The following SLFN13 variants were observed in gnomAD, a reference collection of about 807,000 sequenced individuals.
SLFN13 encodes schlafen family member 13.
Under a neutral mutation model 50.6 loss-of-function variants are expected in SLFN13, and 43 were observed. The ratio of observed to expected loss-of-function variants is 0.85; its 90% CI spans 0.67 to 1.09. SLFN13 has a LOEUF of 1.09. Among genes scored for constraint, SLFN13 ranks in the 50% least tolerant of loss-of-function variants. SLFN13 has a pLI of 0.00. For synonymous variants in SLFN13, 339 were observed against 386.5 expected (o/e 0.88, Z 1.44); for missense variants, 881 against 1,071.1 (o/e 0.82, Z 2.48).
chr17:35,441,544 G>T lies in SLFN13; in HGVS notation c.1922+19C>A. On this transcript the variant is annotated intron_variant, in intron 5 of 5. Transcript: ENST00000285013. ...CCCAGATTAAATAAAACTTAAAGAC[G>T]TAAGATCCAACTGCTTACCTGATAA... 1 of 1,611,412 alleles carries T rather than the reference G, an allele frequency of 6.2e-7. No homozygotes were observed. The highest frequency in any genetic ancestry group is 8.5e-7 in the Non-Finnish European group (1 of 1,179,540).
chr17:35,444,594 G>A, intron 3 of SLFN13, 21 bp downstream of exon 3: 2 of 1,602,102 alleles, frequency 1.2e-6, no homozygotes, highest in Non-Finnish European at 1.7e-6. Context: ...GTCAGGAAGG[G>A]AGAATCTGGT....
At position 35,445,645 on chromosome 17, in the gene SLFN13, T is replaced by C. The variant is rs116708671; in HGVS notation, c.36A>G (p.Pro12=). 4 of 1,613,906 alleles carry C rather than the reference T, an allele frequency of 2.5e-6. No homozygotes were observed. The highest frequency in any genetic ancestry group is 1.3e-5 in the African/African-American group (1 of 75,026). Residue 12 remains proline, a synonymous_variant, in exon 3 of 6, where the codon CCA becomes CCG. Transcript: ENST00000285013. ...EANHCSLGVY[P]SYPDLVIDVG... ...CATCGATGACCAGGTCTGGGTAAGA[T>C]GGATACACACCCAGGGAGCAGTGAT...
rs1912630862 is a variant in SLFN13 at position 35,435,802 on chromosome 17, C to G, written c.*4793G>C. On this transcript the variant is annotated 3_prime_UTR_variant, in exon 6 of 6. Coordinates refer to ENST00000285013, the MANE Select transcript of SLFN13 (RefSeq NM_144682.6). ...TTGGAGACAGGGTCTCAAACTGGCA[C>G]CCAGGCTAGAGTGCGGTGATGCAGT... 1 of 151,914 alleles carries G rather than the reference C, an allele frequency of 6.6e-6. No individual in the cohort carries two copies. The highest frequency in any genetic ancestry group is 6.6e-5 in the Admixed American group (1 of 15,236). 9.4% of individuals were successfully genotyped at this position (151,914 alleles called of 1,614,324 possible).
intron 2 of SLFN13, among the ~76,000 whole-genome samples, chr17:35,446,506 C>T (rs910568993): frequency 1.3e-5 from 2 of 152,212 alleles, no homozygotes; most frequent in Admixed American, 6.5e-5. Context: ...TAGATATTTA[C>T]TCTTTCTAAC....
chr17:35,443,918 A>T lies in SLFN13; in HGVS notation c.1069T>A (p.Phe357Ile). 6.2e-7 allele frequency: 1 copy of T among 1,612,376 alleles called. No homozygotes were observed. The highest frequency in any genetic ancestry group is 8.5e-7 in the Non-Finnish European group (1 of 1,179,018). Residue 357 changes from phenylalanine (F) to isoleucine (I), a missense_variant and splice_region_variant, in exon 4 of 6, where the codon TTT becomes ATT. This residue lies in a region of SLFN13 where 497 missense variants were observed against 518.3 expected (regional missense o/e 0.96). Transcript: ENST00000285013. ...VEKMMDADPE[F>I]PPDFAEAFES... ...AAGGCCTCAGCAAAGTCTGGAGGAA[A>T]CTCTGAAAGAAAGAACATTTTAATT...
In SLFN13 at chr17:35,435,882, C is replaced by T. The variant is rs1912632665; in HGVS notation, c.*4713G>A. The T allele has an allele frequency of 6.6e-6, 1 of 152,038 alleles. No individual in the cohort carries two copies. The highest frequency in any genetic ancestry group is 1.9e-4 in the East Asian group (1 of 5,192). The allele number at this position is 152,038 out of a possible 1,614,324, so 9.4% of individuals were successfully genotyped here. A position where few individuals can be genotyped will look rare whatever the true frequency, so the allele number is the denominator to read the frequency against. On this transcript the variant is annotated 3_prime_UTR_variant, in exon 6 of 6. Coordinates refer to ENST00000285013, the MANE Select transcript of SLFN13 (RefSeq NM_144682.6). ...CCTGAAGGATCTTTCCTCCTTCAGC[C>T]TCCAGAAAGTCTGGGATTACAGGAG...
chr17:35,440,657 A>C lies in SLFN13; in HGVS notation c.2632T>G (p.Leu878Val), dbSNP rs771486903. 2 of 1,614,180 alleles carry C rather than the reference A, an allele frequency of 1.2e-6. No homozygotes were observed. Among genetic ancestry groups the C allele is most frequent in the South Asian group, 1.1e-5 (1 of 91,084 alleles). ...GCCAGACAGATCAGAATATTGGGTAAGATAGCTGGGTCAGCTGTCCTTGGA... is the reference window on the plus strand; with the variant it reads ...GCCAGACAGATCAGAATATTGGGTACGATAGCTGGGTCAGCTGTCCTTGGA... ...IHPRTADPAI[L>V]PNILICLASR... Residue 878 changes from leucine (L) to valine (V), a missense_variant, in exon 6 of 6, where the codon TTA becomes GTA. Coordinates refer to ENST00000285013, the MANE Select transcript of SLFN13 (RefSeq NM_144682.6).
rs369414270 is a variant in SLFN13, at chr17:35,444,660, A to C, written c.1021T>G (p.Leu341Val). The change falls in exon 3 of 6, where the codon TTG becomes GTG. Residue 341 changes from leucine (L) to valine (V), a missense_variant. Physicochemically the swap from Leu to Val is conservative, Grantham distance 32. Coordinates refer to ENST00000285013, the MANE Select transcript of SLFN13 (RefSeq NM_144682.6). ...TTCTCTACCCATTCCTCAGTTGTCAAGGGGCGGATGTACTTCTCCCTCACC... is the reference window on the plus strand; with the variant it reads ...TTCTCTACCCATTCCTCAGTTGTCACGGGGCGGATGTACTTCTCCCTCACC... ...WMVREKYIRP[L>V]TTEEWVEKMM... is the part of the protein sequence containing the mutation. The C allele has an allele frequency of 3.1e-6, 5 of 1,614,226 alleles. No homozygotes were observed. Among genetic ancestry groups the C allele is most frequent in the Non-Finnish European group, 4.2e-6 (5 of 1,180,036 alleles).
intron 2 of SLFN13, chr17:35,445,962 A>C (rs1913195223): frequency 3.4e-6 from 1 of 293,596 alleles, no homozygotes; most frequent in Non-Finnish European, 6.3e-6. Context: ...ATGGTTCCAT[A>C]AGACTTCCAG....
Position 35,435,814 on chromosome 17 carries a change from T to G in SLFN13, c.*4781A>C, listed in dbSNP as rs1023689815. ...TCTCAAACTGGCACCCAGGCTAGAG[T>G]GCGGTGATGCAGTCACAGCTCAGTG... is the stretch of plus-strand genomic sequence containing the variant. On this transcript the variant is annotated 3_prime_UTR_variant, in exon 6 of 6. Coordinates refer to ENST00000285013, the MANE Select transcript of SLFN13 (RefSeq NM_144682.6). 4.0e-5 allele frequency: 6 copies of G among 151,764 alleles called. No homozygotes were observed. Among genetic ancestry groups the G allele is most frequent in the African/African-American group, 1.5e-4 (6 of 41,308 alleles). The allele number at this position is 151,764 out of a possible 1,614,324, so 9.4% of individuals were successfully genotyped here.
rs776590437 is a variant in SLFN13, at chr17:35,444,809, C to T, written c.872G>A (p.Arg291Gln). Reference protein sequence around the residue: ...PIVHFCSSKPRVEYSTKIVEV... With the variant: ...PIVHFCSSKPQVEYSTKIVEV... ...TACGATTTTGGTGCTGTACTCTACC[C>T]GAGGTTTTGAAGAGCAAAAATGAAC... Residue 291 changes from arginine (R) to glutamine (Q), a missense_variant, in exon 3 of 6, where the codon CGG becomes CAG. Arg to Gln is a conservative substitution (Grantham distance 43). Around this residue, in one of 5 missense-constraint regions of SLFN13, gnomAD observed 497 missense variants for 518.3 expected, o/e 0.96. Transcript: ENST00000285013. 4.3e-6 allele frequency: 7 copies of T among 1,614,016 alleles called. No individual in the cohort carries two copies. Among genetic ancestry groups the T allele is most frequent in the Admixed American group, 1.7e-5 (1 of 60,008 alleles).
At position 35,445,675 on chromosome 17, in the gene SLFN13, C is replaced by T. The variant is rs1913181688; in HGVS notation, c.6G>A (p.Glu2=). The part of the protein sequence containing the change: M[E]ANHCSLGVYP... ...ACACACCCAGGGAGCAGTGATTTGC[C>T]TCCATGTTGAACTTGCACCTTAAAG... is the stretch of plus-strand genomic sequence containing the variant. The change falls in exon 3 of 6, where the codon GAG becomes GAA. Residue 2 remains glutamate (E), a synonymous_variant. Transcript: ENST00000285013. 1 of 1,593,066 alleles carries T rather than the reference C, an allele frequency of 6.3e-7. No individual in the cohort carries two copies. Among genetic ancestry groups the T allele is most frequent in the Non-Finnish European group, 8.6e-7 (1 of 1,168,734 alleles).
rs563597048 is a variant in SLFN13, at chr17:35,437,188, T to C, written c.*3407A>G. On this transcript the variant is annotated 3_prime_UTR_variant, in exon 6 of 6. Coordinates refer to ENST00000285013, the MANE Select transcript of SLFN13 (RefSeq NM_144682.6). ...TTAATAACTAATTTTAAACTTTTGA[T>C]TGTTTTATTATTATTTTGTTAGACA... 1 of 152,072 alleles carries C rather than the reference T, an allele frequency of 6.6e-6. No individual in the cohort carries two copies. Among genetic ancestry groups the C allele is most frequent in the Admixed American group, 6.5e-5 (1 of 15,268 alleles). The allele number at this position is 152,072 out of a possible 1,614,324, so 9.4% of individuals were successfully genotyped here.
At position 35,442,226 on chromosome 17, in the gene SLFN13, T is replaced by G; in HGVS notation, c.1259A>C (p.His420Pro). ...ESLWKELSLQ[H>P]EGLKELIHKQ... Reference sequence around the variant, plus strand: ...GTGTATTAACTCCTTTAGTCCTTCATGCTGTAAAGACAGCTCCTTCCAGAG... The same window carrying G: ...GTGTATTAACTCCTTTAGTCCTTCAGGCTGTAAAGACAGCTCCTTCCAGAG... The change falls in exon 5 of 6, where the codon CAT (histidine) becomes CCT (proline). Residue 420 changes from histidine (H) to proline (P), a missense_variant. His to Pro is a moderately conservative substitution (Grantham distance 77). Coordinates refer to ENST00000285013, the MANE Select transcript of SLFN13 (RefSeq NM_144682.6). 1 of 1,613,278 alleles carries G rather than the reference T, an allele frequency of 6.2e-7. No homozygotes were observed. The highest frequency in any genetic ancestry group is 8.5e-7 in the Non-Finnish European group (1 of 1,179,440).
rs915518127 is a variant in SLFN13, at chr17:35,436,338, G to A, written c.*4257C>T. On this transcript the variant is annotated 3_prime_UTR_variant, in exon 6 of 6. Transcript: ENST00000285013. ...AGATATGAACATTTTTCTAGTTACC[G>A]TTTTATTACTAGTTTATAATGTATT... The A allele has an allele frequency of 7.2e-5, 11 of 151,980 alleles. No homozygotes were observed. The highest frequency in any genetic ancestry group is 2.1e-4 in the South Asian group (1 of 4,830). 9.4% of individuals were successfully genotyped at this position (151,980 alleles called of 1,614,324 possible).
Position 35,437,304 on chromosome 17 carries a change from G to C in SLFN13, c.*3291C>G, listed in dbSNP as rs921372962. On this transcript the variant is annotated 3_prime_UTR_variant, in exon 6 of 6. Transcript: ENST00000285013. ...ACTCCTGGAATCAAGCGATCCTCTC[G>C]CCTCGGCCTCTGGAATAGCTAGGAC... The C allele has an allele frequency of 2.0e-5, 3 of 151,894 alleles. No individual in the cohort carries two copies. The highest frequency in any genetic ancestry group is 6.6e-5 in the Admixed American group (1 of 15,234). 9.4% of individuals were successfully genotyped at this position (151,894 alleles called of 1,614,324 possible). A position where few individuals can be genotyped will look rare whatever the true frequency, so the allele number is the denominator to read the frequency against.
Position 35,444,684 on chromosome 17 carries a change from C to G in SLFN13, c.997G>C (p.Val333Leu). 6.2e-7 allele frequency: 1 copy of G among 1,614,220 alleles called. No individual in the cohort carries two copies. The highest frequency in any genetic ancestry group is 8.5e-7 in the Non-Finnish European group (1 of 1,180,046). ...AAGGGGCGGATGTACTTCTCCCTCA[C>G]CATCCATGACTTGGGAGCTTCCGAG... ...VFSEAPKSWM[V>L]REKYIRPLTT... The change falls in exon 3 of 6, where the codon GTG (valine) becomes CTG (leucine). Residue 333 changes from valine to leucine, a missense_variant. Coordinates refer to ENST00000285013, the MANE Select transcript of SLFN13 (RefSeq NM_144682.6).
In SLFN13 at chr17:35,435,788, G is replaced by T. The variant is rs978282230; in HGVS notation, c.*4807C>A. 11 of 152,028 alleles carry T rather than the reference G, an allele frequency of 7.2e-5. No individual in the cohort carries two copies. The highest frequency in any genetic ancestry group is 2.4e-4 in the African/African-American group (10 of 41,496). The allele number at this position is 152,028 out of a possible 1,614,324, so 9.4% of individuals were successfully genotyped here. On this transcript the variant is annotated 3_prime_UTR_variant, in exon 6 of 6. Transcript: ENST00000285013. ...TTAATTTTTTTTTCTTGGAGACAGG[G>T]TCTCAAACTGGCACCCAGGCTAGAG...
At chr17:35,443,608 G>A (rs539800382) in intron 4 of SLFN13, among the ~76,000 whole-genome samples, 181 bp downstream of exon 4, 5 of 152,350 alleles carry the variant, frequency 3.3e-5, no homozygotes, top group African/African-American at 9.6e-5. Context: ...TAATCAGCCA[G>A]ATGTGGCAAC....
Sources: allele counts gnomAD v4.1 joint callset (sites outside exome capture counted in the v4.1 genomes callset), GRCh38; gene constraint gnomAD v4.1.1; regional missense constraint gnomAD v4.1.1; transcripts MANE v1.5; gene names NCBI Gene and HGNC (gene_info 2026-07-23, HGNC 2026-07-21).